Variants in MAST4 observed in about 807,000 individuals in gnomAD.
MAST4 encodes the protein microtubule associated serine/threonine kinase family member 4.
MAST4 carries 89 observed loss-of-function variants against 162.7 expected under a neutral mutation model. The ratio of observed to expected loss-of-function variants is 0.55; its 90% CI spans 0.46 to 0.65. MAST4 has a LOEUF of 0.65. Among genes scored for constraint, MAST4 ranks in the 30% least tolerant of loss-of-function variants. The probability of loss-of-function intolerance (pLI) is 0.00; values close to 1 mark genes in which losing one functional copy is unlikely to be tolerated. For synonymous variants in MAST4, 1,479 were observed against 1,361.1 expected (o/e 1.09, Z -1.91); for missense variants, 3,153 against 3,374.0 (o/e 0.93, Z 1.62).
intron 12 of MAST4, among the ~76,000 whole-genome samples, chr5:67,117,963 A>T (rs895143505): frequency 1.3e-5 from 2 of 152,218 alleles, no homozygotes; most frequent in African/African-American, 4.8e-5. Context: ...AATATGATTA[A>T]TAATAAATAA....
At chr5:66,685,262 C>CAAACAAAACAAAACA (rs60672976) in intron 1 of MAST4, among the ~76,000 whole-genome samples, 2,159 of 143,972 alleles carry the variant, frequency 0.015, 19 homozygotes, top group Non-Finnish European at 0.021. Context: ...GACCTTGTCT[C>CAAACAAAACAAAACA]AAACAAAACA....
At chr5:66,805,971 C>T (rs1026578521) in intron 3 of MAST4, among the ~76,000 whole-genome samples, 1 of 152,188 alleles carries the variant, frequency 6.6e-6, no homozygotes, top group Admixed American at 6.5e-5. Flanking sequence ...TAAATGCCTC[C>T]AACTGCCATG....
intron 7 of MAST4, among the ~76,000 whole-genome samples, chr5:67,096,322 TG>T (rs974671673): frequency 3.3e-5 from 5 of 152,168 alleles, no homozygotes; most frequent in Admixed American, 1.3e-4. Flanking sequence ...GTTAGATGTA[TG>T]TTTTTTTAGT....
rs73095883 is a variant in MAST4 at position 66,780,960 on chromosome 5, A to C, written c.518-7710A>C. Among the ~76,000 whole-genome samples the C allele has an allele frequency of 6.8e-3, 1,041 of 152,308 alleles. 14 individuals are homozygous for C. The highest frequency in any genetic ancestry group is 0.024 in the African/African-American group (989 of 41,566). On this transcript the variant is annotated intron_variant, in intron 2 of 28. Coordinates refer to ENST00000403625, the MANE Select transcript of MAST4 (RefSeq NM_001164664.2). ...GAAGGTCCAGCTGGCTTCACCTCTC[A>C]ATACAATATCTCACCTTTTGTGACT...
intron 5 of MAST4, among the ~76,000 whole-genome samples, chr5:67,086,093 A>G (rs188038816): frequency 1.6e-4 from 25 of 152,336 alleles, no homozygotes; most frequent in Non-Finnish European, 1.5e-4. Flanking sequence ...CAAATGTCAC[A>G]ACTCATTTAA....
At chr5:66,661,455 C>G (rs1359638304) in intron 1 of MAST4, among the ~76,000 whole-genome samples, 4 of 152,192 alleles carry the variant, frequency 2.6e-5, no homozygotes, top group Admixed American at 2.0e-4. Flanking sequence ...TGTGGCTACT[C>G]ATAGTTACAA....
intron 1 of MAST4, among the ~76,000 whole-genome samples, chr5:66,681,691 A>T (rs1748338320): frequency 6.6e-6 from 1 of 152,202 alleles, no homozygotes; most frequent in South Asian, 2.1e-4. Flanking sequence ...AGCTTGACTG[A>T]TGAGAGGGCA....
chr5:67,019,016 A>T (rs929175448), intron 4 of MAST4, among the ~76,000 whole-genome samples: 3 of 152,228 alleles, frequency 2.0e-5, no homozygotes, highest in African/African-American at 7.2e-5. Context: ...GCATGTGTGC[A>T]CACATGTGTG....
intron 1 of MAST4, among the ~76,000 whole-genome samples, chr5:66,598,432 G>C (rs1015817442): frequency 6.6e-6 from 1 of 152,188 alleles, no homozygotes; most frequent in African/African-American, 2.4e-5. Context: ...TTCGAATCAG[G>C]AATTTCAGAT....
intron 1 of MAST4, among the ~76,000 whole-genome samples, chr5:66,756,493 A>T (rs1450631755): frequency 6.6e-6 from 1 of 152,220 alleles, no homozygotes; most frequent in Admixed American, 6.5e-5. Context: ...CTCTGTCTTT[A>T]GTTCAACTCC....
chr5:67,129,968 A>G (rs908515496), intron 14 of MAST4, among the ~76,000 whole-genome samples: 2 of 152,180 alleles, frequency 1.3e-5, no homozygotes, highest in Non-Finnish European at 2.9e-5. Context: ...TTCAGCAGTG[A>G]AGATGAATCT....
intron 6 of MAST4, among the ~76,000 whole-genome samples, chr5:67,093,161 G>A (rs898676067): frequency 1.3e-5 from 2 of 152,124 alleles, no homozygotes; most frequent in African/African-American, 4.8e-5. Flanking sequence ...ATTGAAATGA[G>A]GGTTGTTATT....
chr5:66,713,654 T>A (rs1750634771), intron 1 of MAST4, among the ~76,000 whole-genome samples: 1 of 152,258 alleles, frequency 6.6e-6, no homozygotes, highest in African/African-American at 2.4e-5. Context: ...AGTTTGTACA[T>A]TACTTATTGC....
At chr5:66,787,104 C>T (rs1755154402) in intron 2 of MAST4, among the ~76,000 whole-genome samples, 1 of 152,076 alleles carries the variant, frequency 6.6e-6, no homozygotes, top group African/African-American at 2.4e-5. Context: ...AAGCCCATCC[C>T]AAATAAAGAA....
intron 1 of MAST4, among the ~76,000 whole-genome samples, chr5:66,707,625 A>G (rs577612594): frequency 3.3e-5 from 5 of 152,198 alleles, no homozygotes; most frequent in Admixed American, 3.3e-4. Context: ...CTCTTCTTAT[A>G]AGAACACCTG....
At chr5:66,796,787 A>G (rs1364993589) in intron 3 of MAST4, among the ~76,000 whole-genome samples, 3 of 152,172 alleles carry the variant, frequency 2.0e-5, no homozygotes, top group Non-Finnish European at 4.4e-5. Context: ...TTGTCCACCA[A>G]GTATGAAGAG....
intron 4 of MAST4, chr5:67,004,514 A>C (rs1751722082): frequency 6.4e-6 from 1 of 155,416 alleles, no homozygotes; most frequent in Non-Finnish European, 1.4e-5. Context: ...GGCACTGGGC[A>C]TGTTCGGATG....
At chr5:67,149,337 C>A in intron 23 of MAST4, 52 bp from the exon 24 acceptor site, 1 of 1,523,712 alleles carries the variant, frequency 6.6e-7, no homozygotes, top group Non-Finnish European at 9.0e-7. Flanking sequence ...GTCTTCCCAC[C>A]TCTCCTATCC....
intron 1 of MAST4, among the ~76,000 whole-genome samples, chr5:66,687,646 A>G (rs112834902): frequency 0.014 from 2,029 of 142,142 alleles, 51 homozygotes; most frequent in African/African-American, 0.054. Flanking sequence ...TTATCTATCT[A>G]TCTATCTATC....
Sources: gnomAD v4.1 joint callset for allele counts (sites outside exome capture counted in the v4.1 genomes callset) on GRCh38, gnomAD v4.1.1 for gene constraint, MANE v1.5 for transcripts, NCBI Gene and HGNC (gene_info 2026-07-23, HGNC 2026-07-21) for gene names.